CSNK1G1: variants seen among roughly 807,000 people sequenced by gnomAD.
CSNK1G1 encodes the protein casein kinase I isoform gamma-1.
A neutral mutation model predicts 59.6 loss-of-function variants in CSNK1G1; 22 were observed. The observed-to-expected ratio is 0.37, with a 90% CI of 0.26 to 0.53. The LOEUF is 0.53. Among genes scored for constraint, CSNK1G1 ranks in the 20% least tolerant of loss-of-function variants. The probability of loss-of-function intolerance (pLI) is 0.89; values close to 1 mark genes in which losing one functional copy is unlikely to be tolerated. For synonymous variants in CSNK1G1, 179 were observed against 177.1 expected (o/e 1.01, Z -0.08); for missense variants, 384 against 519.5 (o/e 0.74, Z 2.54).
intron 4 of CSNK1G1, among the ~76,000 whole-genome samples, chr15:64,244,517 T>C (rs900695391): frequency 5.9e-5 from 9 of 151,866 alleles, no homozygotes; most frequent in African/African-American, 2.2e-4. Context: ...TTCACAGAAA[T>C]AGAAAAAACA....
In CSNK1G1 at chr15:64,216,509, G is replaced by A. The variant is rs2082313487; in HGVS notation, c.444+53C>T. 2 of 1,559,576 alleles carry A rather than the reference G, an allele frequency of 1.3e-6. No homozygotes were observed. The highest frequency in any genetic ancestry group is 1.8e-6 in the Non-Finnish European group (2 of 1,134,236). On this transcript the variant is annotated intron_variant, in intron 5 of 11. Transcript: ENST00000303052. The surrounding 1 kb of genome is among the most constrained non-coding windows in gnomAD (Gnocchi z 4.6). Reference sequence around the variant, plus strand: ...AGTAAATCACCAAAAGGCCCACAAGGATGTGGCTGAGGAACCAGCTTATTC... The same window carrying A: ...AGTAAATCACCAAAAGGCCCACAAGAATGTGGCTGAGGAACCAGCTTATTC...
intron 1 of CSNK1G1, among the ~76,000 whole-genome samples, chr15:64,347,316 A>G (rs967406664): frequency 6.6e-6 from 1 of 152,210 alleles, no homozygotes; most frequent in Non-Finnish European, 1.5e-5. Flanking sequence ...AAGAGCTGAA[A>G]ACTTTTAATG....
In CSNK1G1 at chr15:64,165,983, T is replaced by C. The variant is rs1231339196; in HGVS notation, c.*5948A>G. On this transcript the variant is annotated 3_prime_UTR_variant, in exon 12 of 12. Transcript: ENST00000303052. ...TCTCTCCTGGAGGAACCATTTCAAA[T>C]ACACTTGAAATTGACATTCATGTTT... is the stretch of plus-strand genomic sequence containing the variant. 1 of 665,066 alleles carries C rather than the reference T, an allele frequency of 1.5e-6. No homozygotes were observed. The highest frequency in any genetic ancestry group is 2.4e-5 in the Admixed American group (1 of 40,904). 41.2% of individuals were successfully genotyped at this position (665,066 alleles called of 1,614,324 possible).
chr15:64,257,148 T>C (rs1265934783), intron 3 of CSNK1G1, among the ~76,000 whole-genome samples: 2 of 151,492 alleles, frequency 1.3e-5, no homozygotes, highest in African/African-American at 2.4e-5. Context: ...CCATACTAGA[T>C]TGTAAGAGTT....
chr15:64,188,362 A>G lies in CSNK1G1; in HGVS notation c.1108-7908T>C. 5 of 1,523,908 alleles carry G rather than the reference A, an allele frequency of 3.3e-6. No homozygotes were observed. Among genetic ancestry groups the G allele is most frequent in the Non-Finnish European group, 4.4e-6 (5 of 1,136,622 alleles). 94.4% of individuals were successfully genotyped at this position (1,523,908 alleles called of 1,614,324 possible). The stretch of plus-strand genomic sequence containing the variant: ...TGGAAAGGCCAGGAAAAGGCAATAA[A>G]GGCAGTAAATACCTGCACTGATCCC... On this transcript the variant is annotated intron_variant, in intron 10 of 11. Coordinates refer to ENST00000303052, the MANE Select transcript of CSNK1G1 (RefSeq NM_022048.5). The surrounding 1 kb of genome is among the most constrained non-coding windows in gnomAD (Gnocchi z 4.2).
At chr15:64,209,682 T>C (rs1205117275) in intron 6 of CSNK1G1, among the ~76,000 whole-genome samples, 2 of 151,644 alleles carry the variant, frequency 1.3e-5, no homozygotes, top group Admixed American at 1.3e-4. Context: ...ACAAAAACAG[T>C]TTGTTGACAC....
intron 10 of CSNK1G1, among the ~76,000 whole-genome samples, chr15:64,187,817 G>A (rs2140222746): frequency 6.6e-6 from 1 of 152,148 alleles, no homozygotes; most frequent in Middle Eastern, 3.4e-3. Context: ...GTACTAAACA[G>A]AAAAAAGAGA....
rs115112182 is a variant in CSNK1G1 at position 64,302,070 on chromosome 15, A to G, written c.-224-1347T>C. Among the ~76,000 whole-genome samples, 1,281 of 152,278 alleles carry G rather than the reference A, an allele frequency of 8.4e-3. 19 individuals carry two copies. The highest frequency in any genetic ancestry group is 0.029 in the African/African-American group (1,203 of 41,560). On this transcript the variant is annotated intron_variant, in intron 1 of 11. Coordinates refer to ENST00000303052, the MANE Select transcript of CSNK1G1 (RefSeq NM_022048.5). Reference sequence around the variant, plus strand: ...CAGCTGACTGTACAAGTGGGCACATAATCCAATAATACAATCTGTTTGCTT... The same window carrying G: ...CAGCTGACTGTACAAGTGGGCACATGATCCAATAATACAATCTGTTTGCTT...
At chr15:64,293,608 A>G (rs1894858059) in intron 2 of CSNK1G1, among the ~76,000 whole-genome samples, 1 of 152,240 alleles carries the variant, frequency 6.6e-6, no homozygotes, top group Non-Finnish European at 1.5e-5. Flanking sequence ...CTAAGAAATT[A>G]AACCAACTTT....
intron 1 of CSNK1G1, among the ~76,000 whole-genome samples, chr15:64,309,898 C>T (rs979011943): frequency 2.0e-5 from 3 of 151,882 alleles, no homozygotes; most frequent in African/African-American, 7.3e-5. Flanking sequence ...TCGCTTGAGC[C>T]GAAGAATTCA....
chr15:64,266,155 C>T (rs1021087337), intron 2 of CSNK1G1, among the ~76,000 whole-genome samples: 8 of 152,052 alleles, frequency 5.3e-5, no homozygotes, highest in South Asian at 2.1e-4. Context: ...CTCTGCCTAC[C>T]GGGTTCAAGC....
chr15:64,319,076 T>C (rs1896423913), intron 1 of CSNK1G1, among the ~76,000 whole-genome samples: 1 of 149,854 alleles, frequency 6.7e-6, no homozygotes, highest in African/African-American at 2.5e-5. Context: ...GGTCTCCAAC[T>C]CCTGGGCTCA....
intron 3 of CSNK1G1, among the ~76,000 whole-genome samples, chr15:64,255,609 C>T (rs929905686): frequency 1.3e-5 from 2 of 152,212 alleles, no homozygotes; most frequent in African/African-American, 4.8e-5. Flanking sequence ...ACTTACTTTT[C>T]TCAGGCTTTC....
chr15:64,342,103 T>G (rs752957072), intron 1 of CSNK1G1, among the ~76,000 whole-genome samples: 3 of 152,226 alleles, frequency 2.0e-5, no homozygotes, highest in Non-Finnish European at 2.9e-5. Flanking sequence ...CTCTGTCAAG[T>G]AGGATTAAAA....
In CSNK1G1 at chr15:64,204,454, AC is replaced by A; in HGVS notation, c.985del (p.Val329LeufsTer9). 1.9e-6 allele frequency: 3 copies of A among 1,592,812 alleles called. No homozygotes were observed. The highest frequency in any genetic ancestry group is 2.6e-6 in the Non-Finnish European group (3 of 1,173,852). ...AAGGATACTTACAATAGGTCTCCCA[AC>A]CCAATCATAGGCATAGTCAAAGGTG... The part of the protein sequence containing the change: ...GYTFDYAYDW[V>X]GRPIPTPVGS... On this transcript the variant is annotated frameshift_variant, in exon 9 of 12. Transcript: ENST00000303052. LOFTEE classifies it high-confidence loss of function.
rs149576324 is a variant in CSNK1G1, at chr15:64,232,222, T to C, written c.293-15509A>G. On this transcript the variant is annotated intron_variant, in intron 4 of 11. Transcript: ENST00000303052. ...TTAATGGATGGAATATAAATTACTT[T>C]TGTAGAAAGAAAATGACAATATAAT... 2.9e-3 allele frequency among the ~76,000 whole-genome samples: 448 copies of C among 152,338 alleles called. 4 individuals carry two copies. Among genetic ancestry groups the C allele is most frequent in the Non-Finnish European group, 5.0e-3 (342 of 68,026 alleles).
intron 9 of CSNK1G1, among the ~76,000 whole-genome samples, chr15:64,203,883 C>T (rs1156973291): frequency 6.6e-6 from 1 of 152,018 alleles, no homozygotes; most frequent in Admixed American, 6.6e-5. Flanking sequence ...TGGCTCACGC[C>T]TGTAATCCCA....
intron 1 of CSNK1G1, among the ~76,000 whole-genome samples, chr15:64,343,236 C>CACACACACACACACACACACACACACACA (rs1555405238): frequency 2.8e-4 from 42 of 150,782 alleles, no homozygotes; most frequent in Middle Eastern, 3.4e-3. Context: ...CACACACACA[C>CACACACACACACACACACACACACACACA]CTCTTCTAAA....
rs1164035533 is a variant in CSNK1G1 at position 64,207,550 on chromosome 15, T to C, written c.724A>G (p.Met242Val). The change falls in exon 7 of 12, where the codon ATG becomes GTG. Residue 242 changes from methionine to valine, a missense_variant. Coordinates refer to ENST00000303052, the MANE Select transcript of CSNK1G1 (RefSeq NM_022048.5). ...DDLEALGHMF[M>V]YFLRGSLPWQ... Reference sequence around the variant, plus strand: ...GGGAGGCTGCCTCGAAGGAAATACATGAACATATGGCCTAGGGCTTCCAAA... The same window carrying C: ...GGGAGGCTGCCTCGAAGGAAATACACGAACATATGGCCTAGGGCTTCCAAA... 6.8e-6 allele frequency: 11 copies of C among 1,613,960 alleles called. No individual in the cohort carries two copies. The highest frequency in any genetic ancestry group is 8.5e-6 in the Non-Finnish European group (10 of 1,179,978).
Sources: gnomAD v4.1 joint callset for allele counts (sites outside exome capture counted in the v4.1 genomes callset) on GRCh38, gnomAD v4.1.1 for gene constraint, Gnocchi (gnomAD v3.1) non-coding constraint, MANE v1.5 for transcripts, NCBI Gene and HGNC (gene_info 2026-07-23, HGNC 2026-07-21) for gene names.